The following ZNF397 variants were observed in gnomAD, a reference collection of about 807,000 sequenced individuals.
The protein encoded by ZNF397 is zinc finger protein 397, also known as zinc finger and SCAN domain-containing protein 15.
A neutral mutation model predicts 50.6 loss-of-function variants in ZNF397; 38 were observed. The ratio of observed to expected loss-of-function variants is 0.75; its 90% CI spans 0.58 to 0.98. The LOEUF (loss-of-function observed/expected upper bound fraction) is 0.98, where lower values mean the gene tolerates loss of function less well. Among genes scored for constraint, ZNF397 ranks in the 50% least tolerant of loss-of-function variants. ZNF397 has a pLI of 0.00. For missense variants in ZNF397, 624 were observed against 624.1 expected (o/e 1.00, Z 0.00); for synonymous variants, 228 against 215.2 (o/e 1.06, Z -0.52).
At position 35,247,301 on chromosome 18, in the gene ZNF397, T is replaced by C. The variant is rs571250717; in HGVS notation, c.*991T>C. ...TGTGACCCCAGGGAAAGGGCAAATA[T>C]GTGGTTTCCTTGCCCAACCTGTAGG... On this transcript the variant is annotated 3_prime_UTR_variant, in exon 4 of 4. Coordinates refer to ENST00000330501, the MANE Select transcript of ZNF397 (RefSeq NM_001135178.3). The C allele has an allele frequency of 9.0e-6, 4 of 446,696 alleles. No individual in the cohort carries two copies. The highest frequency in any genetic ancestry group is 4.2e-5 in the African/African-American group (2 of 47,176). 27.7% of individuals were successfully genotyped at this position (446,696 alleles called of 1,614,324 possible).
chr18:35,247,211 C>G lies in ZNF397; in HGVS notation c.*901C>G. On this transcript the variant is annotated 3_prime_UTR_variant, in exon 4 of 4. Coordinates refer to ENST00000330501, the MANE Select transcript of ZNF397 (RefSeq NM_001135178.3). ...CTTAAGCAGTGCCAATGGAGAAGTT[C>G]CTGTTAATAGACAAAACCTGGAGCC... 1.0e-6 allele frequency: 1 copy of G among 982,728 alleles called. No individual in the cohort carries two copies. The highest frequency in any genetic ancestry group is 1.7e-5 in the African/African-American group (1 of 57,278). The allele number at this position is 982,728 out of a possible 1,614,324, so 60.9% of individuals were successfully genotyped here.
At chr18:35,250,776 C>T (rs2043566106), downstream of ZNF397, among the ~76,000 whole-genome samples, 1 of 152,186 alleles carries the variant, frequency 6.6e-6, no homozygotes, top group Non-Finnish European at 1.5e-5. Flanking sequence ...AGAGAGAGTC[C>T]TAATTCTGGT....
chr18:35,254,131 T>C (rs2289037), downstream of ZNF397: 47,368 of 1,614,200 alleles, frequency 0.029, 2,094 homozygotes, highest in East Asian at 0.23. Context: ...CACTGTGTTC[T>C]GTGGGGATTC....
chr18:35,254,093 C>A (rs368139268), downstream of ZNF397: 17 of 1,614,122 alleles, frequency 1.1e-5, no homozygotes, highest in African/African-American at 1.9e-4. Flanking sequence ...CATACTGAAA[C>A]TTCCTTCACT....
At chr18:35,259,106 T>C (rs1004632355), downstream of ZNF397, 1 of 152,420 alleles carries the variant, frequency 6.6e-6, no homozygotes, top group Non-Finnish European at 1.5e-5. Flanking sequence ...ATCTCTTTTC[T>C]CACAATTCTA....
chr18:35,249,205 C>T lies in ZNF397; in HGVS notation c.*2895C>T, dbSNP rs972686009. The T allele has an allele frequency of 2.6e-5, 4 of 152,198 alleles. No individual in the cohort carries two copies. Among genetic ancestry groups the T allele is most frequent in the African/African-American group, 9.7e-5 (4 of 41,450 alleles). 9.4% of individuals were successfully genotyped at this position (152,198 alleles called of 1,614,324 possible). On this transcript the variant is annotated 3_prime_UTR_variant, in exon 4 of 4. Transcript: ENST00000330501. ...ACAGGGATTCAGGGACATTGGGACTCTAATGCTGCTGGTAAGACATGAATA... is the reference window on the plus strand; with the variant it reads ...ACAGGGATTCAGGGACATTGGGACTTTAATGCTGCTGGTAAGACATGAATA...
chr18:35,246,268 A>G lies in ZNF397; in HGVS notation c.1563A>G (p.Arg521=), dbSNP rs1346781979. 6.4e-7 allele frequency: 1 copy of G among 1,551,996 alleles called. No individual in the cohort carries two copies. Among genetic ancestry groups the G allele is most frequent in the Non-Finnish European group, 8.7e-7 (1 of 1,147,002 alleles). The change falls in exon 4 of 4, where the codon AGA becomes AGG. Residue 521 remains arginine, a synonymous_variant. Coordinates refer to ENST00000330501, the MANE Select transcript of ZNF397 (RefSeq NM_001135178.3). ...AATGTGGGAAGGCTTTCAGGCACAG[A>G]TCGGTCCTTATGCGCCATCAAAGAG... is the stretch of plus-strand genomic sequence containing the variant. The part of the protein sequence containing the change: ...CNECGKAFRH[R]SVLMRHQRVH...
intron 3 of ZNF397, 34 bp from the exon 4 acceptor site, chr18:35,245,228 G>A: frequency 6.5e-7 from 1 of 1,540,182 alleles, no homozygotes; most frequent in Admixed American, 2.1e-5. Flanking sequence ...CAAGAGAAAT[G>A]TAATATCTGT....
At chr18:35,243,412 C>A in intron 3 of ZNF397, 119 bp downstream of exon 3, 1 of 1,469,360 alleles carries the variant, frequency 6.8e-7, no homozygotes, top group Non-Finnish European at 9.5e-7. Context: ...TTATTCTAAA[C>A]CAGAGGTGCT....
Position 35,245,828 on chromosome 18 carries a change from G to A in ZNF397, c.1123G>A (p.Gly375Ser). 1 of 1,552,340 alleles carries A rather than the reference G, an allele frequency of 6.4e-7. No individual in the cohort carries two copies. The highest frequency in any genetic ancestry group is 8.7e-7 in the Non-Finnish European group (1 of 1,147,322). The stretch of plus-strand genomic sequence containing the variant: ...GAAAGCTTGTAAATGTAATGAGTGT[G>A]GCAAAGCATTCAGTCAAAGTTCATA... Reference protein sequence around the residue: ...GEKACKCNECGKAFSQSSYLI... With the variant: ...GEKACKCNECSKAFSQSSYLI... The change falls in exon 4 of 4, where the codon GGC becomes AGC. Residue 375 changes from glycine (G) to serine (S), a missense_variant. Gly to Ser is a moderately conservative substitution (Grantham distance 56). Coordinates refer to ENST00000330501, the MANE Select transcript of ZNF397 (RefSeq NM_001135178.3).
chr18:35,245,097 C>T (rs1031387756), intron 3 of ZNF397, among the ~76,000 whole-genome samples, 165 bp from the exon 4 acceptor site: 1 of 151,772 alleles, frequency 6.6e-6, no homozygotes, highest in Non-Finnish European at 1.5e-5. Flanking sequence ...TAGATGTAGA[C>T]TTTATTATTA....
chr18:35,249,746 A>G lies in ZNF397; in HGVS notation c.*3436A>G, dbSNP rs2043546765. 6.6e-6 allele frequency: 1 copy of G among 151,952 alleles called. No homozygotes were observed. Among genetic ancestry groups the G allele is most frequent in the African/African-American group, 2.4e-5 (1 of 41,372 alleles). 9.4% of individuals were successfully genotyped at this position (151,952 alleles called of 1,614,324 possible). On this transcript the variant is annotated 3_prime_UTR_variant, in exon 4 of 4. Coordinates refer to ENST00000330501, the MANE Select transcript of ZNF397 (RefSeq NM_001135178.3). ...TGTTAAGTAAAAATATTACAAAACA[A>G]TATGTACAGTATGATCCTATGTAAA...
intron 5 of ZNF397, chr18:35,255,646 C>G (rs1326692696): frequency 1.3e-5 from 2 of 154,228 alleles, no homozygotes; most frequent in Admixed American, 1.3e-4. Context: ...AAAATGAATA[C>G]CTATTTCTGA....
intron 1 of ZNF397, chr18:35,241,660 A>G (rs1019184098): frequency 1.3e-5 from 2 of 152,198 alleles, no homozygotes; most frequent in Non-Finnish European, 2.9e-5. Context: ...GCTTTTGTGT[A>G]TGTGATACCT....
rs2043500966 is a variant in ZNF397, at chr18:35,247,487, G to C, written c.*1177G>C. 1 of 152,132 alleles carries C rather than the reference G, an allele frequency of 6.6e-6. No individual in the cohort carries two copies. The highest frequency in any genetic ancestry group is 2.4e-5 in the African/African-American group (1 of 41,418). 9.4% of individuals were successfully genotyped at this position (152,132 alleles called of 1,614,324 possible). ...GTTTCTTAAAATTCCCAACGCTCTGGATCAGAAGCTGCCATATCATTTGTT... is the reference window on the plus strand; with the variant it reads ...GTTTCTTAAAATTCCCAACGCTCTGCATCAGAAGCTGCCATATCATTTGTT... On this transcript the variant is annotated 3_prime_UTR_variant, in exon 4 of 4. Transcript: ENST00000330501.
chr18:35,242,432 A>G lies in ZNF397; in HGVS notation c.-39A>G, dbSNP rs750268882. On this transcript the variant is annotated 5_prime_UTR_variant, in exon 2 of 4. Transcript: ENST00000330501. ...CACACTCCTTCGCAAGCACAGAACCAGTTGTACTGAGCTTTTTGCTAAGCT... is the reference window on the plus strand; with the variant it reads ...CACACTCCTTCGCAAGCACAGAACCGGTTGTACTGAGCTTTTTGCTAAGCT... The G allele has an allele frequency of 7.0e-6, 11 of 1,581,292 alleles. 1 individual carries two copies. In the South Asian group the frequency reaches 1.3e-4, roughly 18 times the overall value.
At chr18:35,257,948 C>T (rs371124888) in exon 6 of ZNF397, 12 of 780,904 alleles carry the variant, frequency 1.5e-5, no homozygotes, top group Middle Eastern at 2.2e-4. Flanking sequence ...AAGAACACAT[C>T]GTCAATAAAT....
At chr18:35,250,497 C>A (rs1367670040), downstream of ZNF397, among the ~76,000 whole-genome samples, 2 of 146,524 alleles carry the variant, frequency 1.4e-5, no homozygotes, top group Admixed American at 1.4e-4. Flanking sequence ...GAGTCTTAAA[C>A]AGATTTTAAA....
chr18:35,245,981 G>C lies in ZNF397; in HGVS notation c.1276G>C (p.Glu426Gln), dbSNP rs745588419. The C allele has an allele frequency of 3.8e-6, 6 of 1,580,186 alleles. No homozygotes were observed. In the South Asian group the frequency reaches 5.8e-5, roughly 15 times the overall value. ...QRIHTGERPY[E>Q]CNECGKAFRQ... ...AATTCACACAGGAGAGAGACCCTATGAATGTAATGAATGTGGAAAAGCTTT... is the reference window on the plus strand; with the variant it reads ...AATTCACACAGGAGAGAGACCCTATCAATGTAATGAATGTGGAAAAGCTTT... Residue 426 changes from glutamate (E) to glutamine (Q), a missense_variant, in exon 4 of 4, where the codon GAA (glutamate) becomes CAA (glutamine). Physicochemically the swap from Glu to Gln is conservative, Grantham distance 29. Coordinates refer to ENST00000330501, the MANE Select transcript of ZNF397 (RefSeq NM_001135178.3).
Sources: allele counts gnomAD v4.1 joint callset (sites outside exome capture counted in the v4.1 genomes callset), GRCh38; gene constraint gnomAD v4.1.1; transcripts MANE v1.5; gene names NCBI Gene and HGNC (gene_info 2026-07-23, HGNC 2026-07-21).